ZFHX3: variants seen among roughly 807,000 people sequenced by gnomAD.
The protein encoded by ZFHX3 is zinc finger homeobox 3, also known as zinc finger homeobox protein 3.
A neutral mutation model predicts 279.1 loss-of-function variants in ZFHX3; 42 were observed. That is an observed-to-expected ratio of 0.15 (90% CI 0.12 to 0.19). The LOEUF is 0.19. Among genes scored for constraint, ZFHX3 ranks in the 10% least tolerant of loss-of-function variants. The probability of loss-of-function intolerance (pLI) is 1.00; values close to 1 mark genes in which losing one functional copy is unlikely to be tolerated. For missense variants in ZFHX3, 4,981 were observed against 4,754.0 expected, an observed-to-expected ratio of 1.05 and a Z score of -1.40; for synonymous variants, 2,293 against 1,957.8, an observed-to-expected ratio of 1.17 and a Z score of -4.52.
chr16:73,777,056 A>G (rs1194393412), intron 1 of ZFHX3, among the ~76,000 whole-genome samples: 1 of 152,166 alleles, frequency 6.6e-6, no homozygotes, highest in Non-Finnish European at 1.5e-5. Flanking sequence ...CTATTTCACA[A>G]GCTAGCATCA....
intron 1 of ZFHX3, among the ~76,000 whole-genome samples, chr16:73,803,481 G>C (rs1386994967): frequency 1.3e-5 from 2 of 152,168 alleles, no homozygotes; most frequent in East Asian, 3.8e-4. Flanking sequence ...GCTTATTAAA[G>C]ACTAAAAATT....
At chr16:73,795,149 C>T (rs1055251607) in intron 1 of ZFHX3, among the ~76,000 whole-genome samples, 1 of 152,204 alleles carries the variant, frequency 6.6e-6, no homozygotes, top group African/African-American at 2.4e-5. Flanking sequence ...ACAGAGGTCC[C>T]AGGCTCAGAC....
intron 8 of ZFHX3, among the ~76,000 whole-genome samples, chr16:73,075,396 G>A (rs923000724): frequency 2.6e-5 from 4 of 152,078 alleles, no homozygotes; most frequent in Non-Finnish European, 5.9e-5. Flanking sequence ...CTAGAATGGC[G>A]TAACAATAAA....
At chr16:73,080,295 G>A (rs1447040345) in intron 8 of ZFHX3, among the ~76,000 whole-genome samples, 1 of 152,164 alleles carries the variant, frequency 6.6e-6, no homozygotes, top group African/African-American at 2.4e-5. Flanking sequence ...TCCTACTTCA[G>A]AATGACCCAG....
At chr16:73,594,157 A>G (rs113054578) in intron 2 of ZFHX3, among the ~76,000 whole-genome samples, 90 of 152,346 alleles carry the variant, frequency 5.9e-4, no homozygotes, top group African/African-American at 2.1e-3. Flanking sequence ...TAGAATTAAT[A>G]GGAGAGTTTG....
At chr16:73,432,265 T>G (rs549375495) in intron 3 of ZFHX3, among the ~76,000 whole-genome samples, 1 of 152,180 alleles carries the variant, frequency 6.6e-6, no homozygotes, top group Non-Finnish European at 1.5e-5. Context: ...CAGTGCTCTC[T>G]CTCTCATACA....
Position 73,701,863 on chromosome 16 carries a change from T to C in ZFHX3, c.-1607-21623A>G, listed in dbSNP as rs1390908639. Among the ~76,000 whole-genome samples, 3 of 148,194 alleles carry C rather than the reference T, an allele frequency of 2.0e-5. No individual in the cohort carries two copies. The East Asian group carries it at 5.8e-4, about 29-fold the overall frequency. ...TGCAGATATTGAAAATATTCTGAAG[T>C]TTGAGTCATAAAAAAAAAAGCAGAA... is the stretch of plus-strand genomic sequence containing the variant. On this transcript the variant is annotated intron_variant, in intron 1 of 17. Transcript: ENST00000641206.
At chr16:73,789,299 G>A (rs1344668929) in intron 1 of ZFHX3, among the ~76,000 whole-genome samples, 1 of 151,878 alleles carries the variant, frequency 6.6e-6, no homozygotes, top group Non-Finnish European at 1.5e-5. Flanking sequence ...TCCTGCCTCA[G>A]CCTCCAGAGT....
At chr16:73,875,904 A>G (rs2029931957) in intron 1 of ZFHX3, among the ~76,000 whole-genome samples, 1 of 152,198 alleles carries the variant, frequency 6.6e-6, no homozygotes, top group South Asian at 2.1e-4. Flanking sequence ...GGCATCAAAT[A>G]TATACACATG....
intron 2 of ZFHX3, among the ~76,000 whole-genome samples, chr16:73,550,521 T>C (rs1244899443): frequency 6.6e-6 from 1 of 152,162 alleles, no homozygotes; most frequent in Non-Finnish European, 1.5e-5. Flanking sequence ...GAACTAAAAC[T>C]AGTTTTAATG....
intron 1 of ZFHX3, among the ~76,000 whole-genome samples, chr16:73,784,467 G>A (rs1316531461): frequency 2.0e-5 from 3 of 151,932 alleles, no homozygotes; most frequent in Non-Finnish European, 4.4e-5. Context: ...TTTATTTTTT[G>A]GCTGGGCGCA....
intron 3 of ZFHX3, among the ~76,000 whole-genome samples, chr16:73,325,258 T>A (rs35815045): frequency 0.39 from 59,074 of 152,054 alleles, 13,249 homozygotes; most frequent in Non-Finnish European, 0.52. Context: ...TAAGTTTAAC[T>A]AATATTTATG....
intron 3 of ZFHX3, among the ~76,000 whole-genome samples, chr16:72,940,532 C>T (rs1286843301): frequency 6.6e-6 from 1 of 152,102 alleles, no homozygotes; most frequent in African/African-American, 2.4e-5. Flanking sequence ...GTGACACGTG[C>T]CACCAAGAAA....
At chr16:73,711,746 C>A (rs1295613223) in intron 1 of ZFHX3, among the ~76,000 whole-genome samples, 1 of 152,232 alleles carries the variant, frequency 6.6e-6, no homozygotes, top group Admixed American at 6.5e-5. Context: ...GAGGGCCTTT[C>A]CCCTCCAAAG....
intron 2 of ZFHX3, chr16:73,609,214 T>C (rs1823412469): frequency 6.6e-6 from 1 of 152,224 alleles, no homozygotes; most frequent in African/African-American, 2.4e-5. Flanking sequence ...ATACATTTGA[T>C]TTGCTCATCA....
intron 1 of ZFHX3, among the ~76,000 whole-genome samples, chr16:72,988,949 G>A (rs1224355154): frequency 1.3e-5 from 2 of 152,152 alleles, no homozygotes; most frequent in African/African-American, 4.8e-5. Flanking sequence ...GCCAAAGTGG[G>A]AGGATCACAG....
At chr16:73,255,990 G>A (rs1249167654) in intron 5 of ZFHX3, among the ~76,000 whole-genome samples, 1 of 152,162 alleles carries the variant, frequency 6.6e-6, no homozygotes, top group African/African-American at 2.4e-5. Context: ...TCATTTCACA[G>A]TGATGACACC....
intron 4 of ZFHX3, among the ~76,000 whole-genome samples, chr16:72,860,894 C>T (rs891403010): frequency 2.6e-5 from 4 of 152,216 alleles, no homozygotes; most frequent in African/African-American, 7.2e-5. Context: ...AAAATTCATC[C>T]CTGGTCTGAC....
chr16:73,254,960 C>T (rs957245367), intron 5 of ZFHX3, among the ~76,000 whole-genome samples: 3 of 148,672 alleles, frequency 2.0e-5, no homozygotes, highest in Non-Finnish European at 4.4e-5. Flanking sequence ...CCCATCCATC[C>T]ATGTTTGCTA....
Sources: allele counts gnomAD v4.1 joint callset (sites outside exome capture counted in the v4.1 genomes callset), GRCh38; gene constraint gnomAD v4.1.1; transcripts MANE v1.5; gene names NCBI Gene and HGNC (gene_info 2026-07-23, HGNC 2026-07-21).